Variants in NBEAL2 observed in about 807,000 individuals in gnomAD.
The protein encoded by NBEAL2 is neurobeachin-like protein 2.
In NBEAL2, 160 loss-of-function variants were observed where a neutral mutation model predicts 299.8. That is an observed-to-expected ratio of 0.53 (90% confidence interval 0.47 to 0.61). The LOEUF is 0.61. NBEAL2 is among the 20% of genes least tolerant of loss of function. NBEAL2 has a pLI of 0.00. For missense variants in NBEAL2, 3,112 were observed against 3,649.0 expected, an observed-to-expected ratio of 0.85 and a Z score of 3.79; for synonymous variants, 1,493 against 1,542.3, an observed-to-expected ratio of 0.97 and a Z score of 0.75.
At position 46,991,822 on chromosome 3, in the gene NBEAL2, C is replaced by T; in HGVS notation, c.926-18C>T. 1 of 1,580,806 alleles carries T rather than the reference C, an allele frequency of 6.3e-7. No homozygotes were observed. Among genetic ancestry groups the T allele is most frequent in the Non-Finnish European group, 8.6e-7 (1 of 1,163,428 alleles). On this transcript the variant is annotated intron_variant, in intron 8 of 53. Transcript: ENST00000450053. This position sits in a 1 kb window ranked among gnomAD's most constrained non-coding sequence, Gnocchi z 6.2. Reference sequence around the variant, plus strand: ...CTAGAGGGGTCTGGGCAGGGCCTGACCCTTGACCCTTCCACAGACGCCATC... The same window carrying T: ...CTAGAGGGGTCTGGGCAGGGCCTGATCCTTGACCCTTCCACAGACGCCATC...
chr3:46,992,719 C>T (rs1031673090), intron 10 of NBEAL2, among the ~76,000 whole-genome samples, 164 bp downstream of exon 10: 3 of 152,202 alleles, frequency 2.0e-5, no homozygotes, highest in African/African-American at 7.2e-5. Flanking sequence ...AAGTCCCCAT[C>T]CTAGGGAACA....
chr3:46,981,982 C>T (rs1484920163), intron 1 of NBEAL2: 1 of 152,322 alleles, frequency 6.6e-6, no homozygotes, highest in Non-Finnish European at 1.5e-5. Flanking sequence ...CTTTGGAAGC[C>T]TGAGCAGACA....
At chr3:46,987,198 G>A (rs1278604013) in intron 1 of NBEAL2, among the ~76,000 whole-genome samples, 2 of 152,230 alleles carry the variant, frequency 1.3e-5, no homozygotes, top group African/African-American at 2.4e-5. Flanking sequence ...GGCCTTGCCC[G>A]TGGTCTGGGC....
At chr3:46,987,402 G>C (rs1192910001) in intron 1 of NBEAL2, among the ~76,000 whole-genome samples, 1 of 152,216 alleles carries the variant, frequency 6.6e-6, no homozygotes, top group Non-Finnish European at 1.5e-5. Context: ...CTGCCTTTTG[G>C]ACTCAGCTGG....
In NBEAL2 at chr3:47,008,320, A is replaced by G; in HGVS notation, c.7757A>G (p.Gln2586Arg). ...TVIIHTVRRGQFVAALRPLGA... is the reference protein window; with the variant it reads ...TVIIHTVRRGRFVAALRPLGA... ...ATCATACACACTGTACGCCGCGGAC[A>G]GTTTGTAGCGGCACTACGGCCTCTG... The change falls in exon 51 of 54, where the codon CAG (glutamine) becomes CGG (arginine). Residue 2586 changes from glutamine to arginine, a missense_variant. Gln to Arg is a conservative substitution (Grantham distance 43). Coordinates refer to ENST00000450053, the MANE Select transcript of NBEAL2 (RefSeq NM_015175.3). 1 of 1,613,376 alleles carries G rather than the reference A, an allele frequency of 6.2e-7. No individual in the cohort carries two copies. The highest frequency in any genetic ancestry group is 1.3e-5 in the African/African-American group (1 of 75,048).
rs1439120094 is a variant in NBEAL2, at chr3:46,995,555, C to T, written c.1820C>T (p.Ala607Val). 1 of 1,612,786 alleles carries T rather than the reference C, an allele frequency of 6.2e-7. No homozygotes were observed. Among genetic ancestry groups the T allele is most frequent in the Non-Finnish European group, 8.5e-7 (1 of 1,179,876 alleles). The change falls in exon 13 of 54, where the codon GCC (alanine) becomes GTC (valine). Residue 607 changes from alanine to valine, a missense_variant. Around this residue, in one of 3 missense-constraint regions of NBEAL2, gnomAD observed 2,243 missense variants for 2,538.1 expected, o/e 0.88. Transcript: ENST00000450053. ...CCAGGGCCTGGCTTCACCTTTCATG[C>T]CTGGCTCTGTCTGCACCCTATGGAT... ...RWPGPGFTFH[A>V]WLCLHPMDTA...
chr3:47,000,374 G>C lies in NBEAL2; in HGVS notation c.4275G>C (p.Gly1425=). 1 of 1,585,564 alleles carries C rather than the reference G, an allele frequency of 6.3e-7. No homozygotes were observed. The highest frequency in any genetic ancestry group is 8.6e-7 in the Non-Finnish European group (1 of 1,162,756). Residue 1425 remains glycine, a synonymous_variant, in exon 27 of 54, where the codon GGG becomes GGC. Coordinates refer to ENST00000450053, the MANE Select transcript of NBEAL2 (RefSeq NM_015175.3). The surrounding 1 kb of genome is among the most constrained non-coding windows in gnomAD (Gnocchi z 4.5). ...DGSLPEPTIS[G]DDTSNTSNPQ... ...GCCTCCCGGAGCCCACCATTAGCGG[G>C]GATGATACCTCGAACACCAGCAACC...
chr3:46,996,209 G>A, intron 15 of NBEAL2, 62 bp from the exon 16 acceptor site: 1 of 1,591,240 alleles, frequency 6.3e-7, no homozygotes, highest in Non-Finnish European at 8.5e-7. Flanking sequence ...TGAGGAACTG[G>A]TTGTAGGCGG....
Position 46,995,064 on chromosome 3 carries a change from T to C in NBEAL2, c.1329T>C (p.Pro443=). ...AGGGTGACCACAGCATGTGCCCACC[T>C]CCACCAATCCGCAACGAGCAGCCGG... is the stretch of plus-strand genomic sequence containing the variant. The part of the protein sequence containing the change: ...AVEGDHSMCP[P]PPIRNEQPVL... Residue 443 remains proline, a synonymous_variant, in exon 13 of 54, where the codon CCT becomes CCC. Coordinates refer to ENST00000450053, the MANE Select transcript of NBEAL2 (RefSeq NM_015175.3). 6.4e-7 allele frequency: 1 copy of C among 1,556,014 alleles called. No homozygotes were observed. Among genetic ancestry groups the C allele is most frequent in the Non-Finnish European group, 8.7e-7 (1 of 1,146,778 alleles).
chr3:47,007,834 C>G lies in NBEAL2; in HGVS notation c.7526C>G (p.Ala2509Gly). The G allele has an allele frequency of 6.2e-7, 1 of 1,613,534 alleles. No individual in the cohort carries two copies. Residue 2509 changes from alanine (A) to glycine (G), a missense_variant, in exon 49 of 54, where the codon GCA becomes GGA. Physicochemically the swap from Ala to Gly is moderately conservative, Grantham distance 60. Coordinates refer to ENST00000450053, the MANE Select transcript of NBEAL2 (RefSeq NM_015175.3). ...CATGCAGATGTAGTAACCTGCCTTGCACTGGACACCTGTGGCATCTACCTC... is the reference window on the plus strand; with the variant it reads ...CATGCAGATGTAGTAACCTGCCTTGGACTGGACACCTGTGGCATCTACCTC... ...SCHLDVVTCL[A>G]LDTCGIYLIS...
chr3:46,989,217 C>T lies in NBEAL2; in HGVS notation c.352-43C>T, dbSNP rs749265471. 4.3e-6 allele frequency: 7 copies of T among 1,612,648 alleles called. No homozygotes were observed. Among genetic ancestry groups the T allele is most frequent in the Middle Eastern group, 1.7e-4 (1 of 6,056 alleles). On this transcript the variant is annotated intron_variant, in intron 4 of 53. Coordinates refer to ENST00000450053, the MANE Select transcript of NBEAL2 (RefSeq NM_015175.3). This position sits in a 1 kb window ranked among gnomAD's most constrained non-coding sequence, Gnocchi z 5.5. The stretch of plus-strand genomic sequence containing the variant: ...CAGAGGGTGTATGCAGGGAGGCAGG[C>T]GGTAGCCATGGCGGGGCTAACCCTC...
In NBEAL2 at chr3:47,007,897, G is replaced by A. The variant is rs116247493; in HGVS notation, c.7589G>A (p.Arg2530Gln). 261 of 1,612,822 alleles carry A rather than the reference G, an allele frequency of 1.6e-4. 1 individual carries two copies. In the African/African-American group the frequency reaches 2.3e-3, roughly 14 times the overall value. Residue 2530 changes from arginine (R) to glutamine (Q), a missense_variant, in exon 49 of 54, where the codon CGG (arginine) becomes CAG (glutamine). Around this residue, in one of 3 missense-constraint regions of NBEAL2, gnomAD observed 348 missense variants for 381.4 expected, o/e 0.91. Transcript: ENST00000450053. Reference protein sequence around the residue: ...GSRDTTCMVWRLLHQGGLSVG... With the variant: ...GSRDTTCMVWQLLHQGGLSVG... ...CGGGACACCACGTGCATGGTGTGGC[G>A]GCTCCTGCATCAGGTGTGCCTCGTG...
Position 47,004,864 on chromosome 3 carries a change from A to C in NBEAL2, c.6295-108A>C. On this transcript the variant is annotated intron_variant, in intron 38 of 53. Transcript: ENST00000450053. This position sits in a 1 kb window ranked among gnomAD's most constrained non-coding sequence, Gnocchi z 5.0. ...TGACCCCTCTAAGTGGTGCTCCCCC[A>C]ACCTGTGGGCAGGCTCTGTGCCCGC... The C allele has an allele frequency of 6.7e-7, 1 of 1,495,712 alleles. No individual in the cohort carries two copies. The highest frequency in any genetic ancestry group is 9.0e-7 in the Non-Finnish European group (1 of 1,110,900). 92.7% of individuals were successfully genotyped at this position (1,495,712 alleles called of 1,614,324 possible). A position where few individuals can be genotyped will look rare whatever the true frequency, so the allele number is the denominator to read the frequency against.
chr3:46,996,620 A>G, intron 16 of NBEAL2, 28 bp downstream of exon 16: 1 of 1,496,188 alleles, frequency 6.7e-7, no homozygotes, highest in Non-Finnish European at 8.9e-7. Context: ...TCTCTGCCAC[A>G]GCCCCAGGCC....
At position 46,995,817 on chromosome 3, in the gene NBEAL2, C is replaced by A. The variant is rs769779191; in HGVS notation, c.2002C>A (p.Pro668Thr). The part of the protein sequence containing the change: ...TRKEYLTMSL[P>T]EVSFADSAWH... ...GAAGGAGTATTTGACCATGAGTTTG[C>A]CCGAAGTGTCCTTTGCCGACTCTGC... Residue 668 changes from proline (P) to threonine (T), a missense_variant, in exon 14 of 54, where the codon CCC becomes ACC. This residue lies in a region of NBEAL2 where 2,243 missense variants were observed against 2,538.1 expected (regional missense o/e 0.88). Coordinates refer to ENST00000450053, the MANE Select transcript of NBEAL2 (RefSeq NM_015175.3). 5 of 1,613,866 alleles carry A rather than the reference C, an allele frequency of 3.1e-6. No individual in the cohort carries two copies. In the Admixed American group the frequency reaches 8.3e-5, roughly 27 times the overall value.
intron 12 of NBEAL2, 110 bp from the exon 13 acceptor site, chr3:46,994,922 A>G: frequency 7.1e-7 from 1 of 1,410,922 alleles, no homozygotes; most frequent in South Asian, 1.5e-5. Context: ...GGCAGGATGG[A>G]GTAGATCATG....
At chr3:46,987,307 G>C (rs1444828418) in intron 1 of NBEAL2, among the ~76,000 whole-genome samples, 1 of 152,240 alleles carries the variant, frequency 6.6e-6, no homozygotes, top group Non-Finnish European at 1.5e-5. Flanking sequence ...GGCCTGCTGA[G>C]TGCTGACTGT....
At position 46,995,006 on chromosome 3, in the gene NBEAL2, G is replaced by T. The variant is rs747848430; in HGVS notation, c.1297-26G>T. ...GTTGACAGGGTGCCACAGCTGACCA[G>T]GGACTGTCATTCTCTCCACCCACAG... On this transcript the variant is annotated intron_variant, in intron 12 of 53. Transcript: ENST00000450053. 112 of 1,518,828 alleles carry T rather than the reference G, an allele frequency of 7.4e-5. No individual in the cohort carries two copies. In the African/African-American group the frequency reaches 1.5e-3, roughly 20 times the overall value. 94.1% of individuals were successfully genotyped at this position (1,518,828 alleles called of 1,614,324 possible).
At position 46,999,444 on chromosome 3, in the gene NBEAL2, C is replaced by T; in HGVS notation, c.3673C>T (p.Gln1225Ter). 6.3e-7 allele frequency: 1 copy of T among 1,583,346 alleles called. No individual in the cohort carries two copies. Among genetic ancestry groups the T allele is most frequent in the Non-Finnish European group, 8.6e-7 (1 of 1,165,018 alleles). The change falls in exon 25 of 54, where the codon CAG becomes TAG. Residue 1225 changes from glutamine (Q) to a stop codon, truncating the protein, a stop_gained. Transcript: ENST00000450053. LOFTEE classifies it high-confidence loss of function. Reference sequence around the variant, plus strand: ...GGGGACTGTTTCCCCCCAGCTCTGCCAGGGCCTCTACAAGCTGTTCCTGGG... The same window carrying T: ...GGGGACTGTTTCCCCCCAGCTCTGCTAGGGCCTCTACAAGCTGTTCCTGGG... Reference protein sequence around the residue: ...PEGTVSPQLCQGLYKLFLGAD... With the variant: ...PEGTVSPQLC
Sources: gnomAD v4.1 joint callset for allele counts (sites outside exome capture counted in the v4.1 genomes callset) on GRCh38, gnomAD v4.1.1 for gene constraint, gnomAD v4.1.1 regional missense constraint, Gnocchi (gnomAD v3.1) non-coding constraint, MANE v1.5 for transcripts, NCBI Gene and HGNC (gene_info 2026-07-23, HGNC 2026-07-21) for gene names.